The following CSMD3 variants were observed in gnomAD, a reference collection of about 807,000 sequenced individuals.
The protein encoded by CSMD3 is CUB and Sushi multiple domains 3, also known as CUB and sushi domain-containing protein 3.
A neutral mutation model predicts 435.2 loss-of-function variants in CSMD3; 177 were observed. The observed-to-expected ratio is 0.41, with a 90% CI of 0.36 to 0.46. The LOEUF is 0.46. Among genes scored for constraint, CSMD3 ranks in the 20% least tolerant of loss-of-function variants. The pLI is 0.34. For missense variants in CSMD3, 4,265 were observed against 4,504.6 expected (o/e 0.95, Z 1.52); for synonymous variants, 1,656 against 1,520.5 (o/e 1.09, Z -2.07).
chr8:112,277,187 T>C (rs756293106), intron 59 of CSMD3, among the ~76,000 whole-genome samples: 2 of 152,188 alleles, frequency 1.3e-5, no homozygotes, highest in Non-Finnish European at 2.9e-5. Flanking sequence ...ACTTTTATAT[T>C]CTATTTCCCT....
chr8:112,557,250 G>A (rs529426032), intron 24 of CSMD3, among the ~76,000 whole-genome samples: 1 of 151,942 alleles, frequency 6.6e-6, no homozygotes, highest in African/African-American at 2.4e-5. Flanking sequence ...GTTAATAGTA[G>A]ATTCTGAGTG....
At chr8:113,361,675 C>G (rs531557469) in intron 1 of CSMD3, among the ~76,000 whole-genome samples, 1 of 150,916 alleles carries the variant, frequency 6.6e-6, no homozygotes, top group African/African-American at 2.4e-5. Context: ...CAAATATAAC[C>G]TTAATAACAT....
chr8:113,424,978 A>T (rs966658608), intron 1 of CSMD3, among the ~76,000 whole-genome samples: 2 of 151,566 alleles, frequency 1.3e-5, no homozygotes, highest in African/African-American at 2.4e-5. Flanking sequence ...TATTATATAC[A>T]CAGAAAGCCT....
At chr8:113,184,445 T>A (rs960183835) in intron 3 of CSMD3, among the ~76,000 whole-genome samples, 2 of 151,978 alleles carry the variant, frequency 1.3e-5, no homozygotes, top group Non-Finnish European at 2.9e-5. Context: ...ACCTTGAAGC[T>A]TTCTAGAACC....
At chr8:112,703,240 A>G (rs1326399757) in intron 13 of CSMD3, among the ~76,000 whole-genome samples, 1 of 152,154 alleles carries the variant, frequency 6.6e-6, no homozygotes, top group African/African-American at 2.4e-5. Flanking sequence ...CATAGAGAGT[A>G]GCACATGATT....
At chr8:113,127,866 G>A (rs942384376) in intron 4 of CSMD3, among the ~76,000 whole-genome samples, 2 of 152,036 alleles carry the variant, frequency 1.3e-5, no homozygotes, top group Non-Finnish European at 2.9e-5. Flanking sequence ...TATTTTGCTA[G>A]CAACTGCAAC....
intron 50 of CSMD3, among the ~76,000 whole-genome samples, chr8:112,310,063 GATAAA>G (rs1821821700): frequency 2.0e-5 from 3 of 152,036 alleles, no homozygotes; most frequent in Admixed American, 2.0e-4. Flanking sequence ...TTTTCATCTT[GATAAA>G]ATAATATAAT....
chr8:112,511,628 G>C (rs578234801), intron 28 of CSMD3, among the ~76,000 whole-genome samples: 1 of 152,084 alleles, frequency 6.6e-6, no homozygotes, highest in Admixed American at 6.5e-5. Context: ...CTGACCTTGT[G>C]ATCCGCTCGT....
chr8:113,278,266 C>T (rs549956018), intron 3 of CSMD3, among the ~76,000 whole-genome samples: 1 of 151,920 alleles, frequency 6.6e-6, no homozygotes, highest in African/African-American at 2.4e-5. Context: ...TTCTGGTAGA[C>T]TGGCACAGCA....
intron 5 of CSMD3, among the ~76,000 whole-genome samples, chr8:113,097,243 T>G (rs2090191826): frequency 6.6e-6 from 1 of 152,082 alleles, no homozygotes; most frequent in African/African-American, 2.4e-5. Flanking sequence ...TTAAAATTAT[T>G]TCCAAACTTA....
intron 6 of CSMD3, among the ~76,000 whole-genome samples, chr8:112,977,230 T>G (rs2130942259): frequency 6.6e-6 from 1 of 152,104 alleles, no homozygotes; most frequent in Non-Finnish European, 1.5e-5. Context: ...AAAAAAATAT[T>G]GAAATTTGGA....
chr8:113,221,954 A>T (rs143997664), intron 3 of CSMD3, among the ~76,000 whole-genome samples: 1 of 151,298 alleles, frequency 6.6e-6, no homozygotes, highest in African/African-American at 2.4e-5. Flanking sequence ...ACAACCCTGG[A>T]ACATAAACAG....
chr8:113,275,347 G>C (rs1264426208), intron 3 of CSMD3, among the ~76,000 whole-genome samples: 1 of 152,026 alleles, frequency 6.6e-6, no homozygotes. Context: ...CCTCTTTCCA[G>C]GGAGAGAAAG....
intron 4 of CSMD3, among the ~76,000 whole-genome samples, chr8:113,127,885 T>C (rs1377006889): frequency 1.3e-5 from 2 of 152,070 alleles, no homozygotes; most frequent in Non-Finnish European, 2.9e-5. Context: ...ACCCAAACAC[T>C]GTACTCTTCT....
At chr8:113,052,638 C>T (rs1357620282) in intron 5 of CSMD3, among the ~76,000 whole-genome samples, 1 of 152,048 alleles carries the variant, frequency 6.6e-6, no homozygotes, top group East Asian at 1.9e-4. Context: ...ATTAGCTGGT[C>T]ATGATAGCTA....
chr8:112,799,940 G>A lies in CSMD3; in HGVS notation c.1972+222C>T, dbSNP rs557311041. 6.6e-5 allele frequency among the ~76,000 whole-genome samples: 10 copies of A among 151,974 alleles called. No individual in the cohort carries two copies. The East Asian group carries it at 1.5e-3, about 24-fold the overall frequency. On this transcript the variant is annotated intron_variant, in intron 13 of 70. Transcript: ENST00000297405. ...GGATAGTATAATATACTGGGAGAAA[G>A]ATGAGGTATGCAAAATAGACACATT...
chr8:113,080,831 G>A (rs540483853), intron 5 of CSMD3, among the ~76,000 whole-genome samples: 4 of 152,162 alleles, frequency 2.6e-5, no homozygotes, highest in East Asian at 1.9e-4. Flanking sequence ...AAAAACTCAC[G>A]ATATTTTTAC....
At chr8:112,267,082 G>A (rs6651205) in intron 59 of CSMD3, among the ~76,000 whole-genome samples, 1,736 of 152,106 alleles carry the variant, frequency 0.011, 41 homozygotes, top group African/African-American at 0.04. Context: ...CAGGATTAAA[G>A]ATTAAGAATG....
At chr8:112,940,280 TG>T (rs1188291089) in intron 9 of CSMD3, among the ~76,000 whole-genome samples, 1 of 151,820 alleles carries the variant, frequency 6.6e-6, no homozygotes, top group Admixed American at 6.6e-5. Flanking sequence ...ATCCAAAATT[TG>T]GAGTCCAAAT....
Sources: allele counts gnomAD v4.1 joint callset (sites outside exome capture counted in the v4.1 genomes callset), GRCh38; gene constraint gnomAD v4.1.1; transcripts MANE v1.5; gene names NCBI Gene and HGNC (gene_info 2026-07-23, HGNC 2026-07-21).